The following IQCM variants were observed in gnomAD, a reference collection of about 807,000 sequenced individuals.
IQCM encodes IQ motif containing M.
A neutral mutation model predicts 57.6 loss-of-function variants in IQCM; 45 were observed. The observed-to-expected ratio is 0.78, with a 90% confidence interval of 0.62 to 1.00. The LOEUF (loss-of-function observed/expected upper bound fraction) is 1.00, where lower values mean the gene tolerates loss of function less well. Among genes scored for constraint, IQCM ranks in the 50% least tolerant of loss-of-function variants. IQCM has a pLI of 0.00. For synonymous variants in IQCM, 148 were observed against 158.9 expected, an observed-to-expected ratio of 0.93 and a Z score of 0.51; for missense variants, 468 against 511.6, an observed-to-expected ratio of 0.91 and a Z score of 0.82.
chr4:149,473,186 G>A (rs980588931), intron 12 of IQCM, among the ~76,000 whole-genome samples: 8 of 151,978 alleles, frequency 5.3e-5, no homozygotes, highest in East Asian at 1.9e-4. Flanking sequence ...GTGAACAGGC[G>A]ACCTACAGAA....
chr4:149,522,873 G>A (rs959495565), intron 12 of IQCM, among the ~76,000 whole-genome samples: 2 of 152,084 alleles, frequency 1.3e-5, no homozygotes, highest in African/African-American at 2.4e-5. Flanking sequence ...GGTATATCCT[G>A]GTAAAATTCC....
At chr4:149,650,055 G>C (rs1468232814) in intron 7 of IQCM, among the ~76,000 whole-genome samples, 1 of 152,138 alleles carries the variant, frequency 6.6e-6, no homozygotes, top group Non-Finnish European at 1.5e-5. Flanking sequence ...TAGGCCCCAT[G>C]TTATGGGGCC....
chr4:149,593,687 T>C (rs1172255667), intron 8 of IQCM, among the ~76,000 whole-genome samples: 2 of 152,010 alleles, frequency 1.3e-5, no homozygotes, highest in African/African-American at 4.8e-5. Flanking sequence ...ATTTTGTCGA[T>C]GGCCTTTTCT....
At chr4:149,545,078 T>A (rs1355683934) in intron 12 of IQCM, among the ~76,000 whole-genome samples, 2 of 152,128 alleles carry the variant, frequency 1.3e-5, no homozygotes, top group Non-Finnish European at 2.9e-5. Flanking sequence ...GGCATGTGCC[T>A]GTAGTCCCAG....
At chr4:149,745,031 T>C (rs1227145970) in intron 2 of IQCM, among the ~76,000 whole-genome samples, 1 of 152,060 alleles carries the variant, frequency 6.6e-6, no homozygotes, top group Non-Finnish European at 1.5e-5. Context: ...ACTGAGCTAC[T>C]TACACCTGGA....
intron 12 of IQCM, among the ~76,000 whole-genome samples, chr4:149,510,163 AT>A (rs1422182795): frequency 6.6e-6 from 1 of 152,092 alleles, no homozygotes; most frequent in Non-Finnish European, 1.5e-5. Context: ...ACTCTTTTAA[AT>A]TTTTAACAAT....
intron 3 of IQCM, among the ~76,000 whole-genome samples, chr4:149,738,386 C>A (rs2149900050): frequency 6.6e-6 from 1 of 152,274 alleles, no homozygotes; most frequent in South Asian, 2.1e-4. Context: ...CCCTTTGTAA[C>A]TAGAATTAGC....
At chr4:149,424,153 CAG>C (rs1412453572) in intron 13 of IQCM, among the ~76,000 whole-genome samples, 1 of 151,750 alleles carries the variant, frequency 6.6e-6, no homozygotes, top group Non-Finnish European at 1.5e-5. Flanking sequence ...ACAGAACTAT[CAG>C]AGATTTCTCA....
intron 8 of IQCM, among the ~76,000 whole-genome samples, chr4:149,601,818 A>G (rs973070073): frequency 5.3e-5 from 8 of 151,928 alleles, no homozygotes; most frequent in African/African-American, 1.7e-4. Flanking sequence ...CAGCACTTTG[A>G]GAGGCCAAGG....
At chr4:149,357,452 G>T (rs1729089010) in intron 13 of IQCM, among the ~76,000 whole-genome samples, 2 of 152,124 alleles carry the variant, frequency 1.3e-5, no homozygotes, top group Non-Finnish European at 2.9e-5. Flanking sequence ...TTTTTAGCAT[G>T]AAGAGTTGTT....
rs150526861 is a variant in IQCM at position 149,727,727 on chromosome 4, G to A, written c.385+5517C>T. Among the ~76,000 whole-genome samples the A allele has an allele frequency of 5.9e-5, 9 of 152,214 alleles. No homozygotes were observed. The East Asian group carries it at 1.2e-3, about 20-fold the overall frequency. ...GTCAGCTGAAGCTGGTCCTATGAAT[G>A]TCTCAAGCCAGGAAGGAGTCCAGGA... On this transcript the variant is annotated intron_variant, in intron 5 of 13. Coordinates refer to ENST00000636793, the MANE Select transcript of IQCM (RefSeq NM_001363507.2).
At chr4:149,656,894 A>G (rs1759684640) in intron 7 of IQCM, among the ~76,000 whole-genome samples, 1 of 152,202 alleles carries the variant, frequency 6.6e-6, no homozygotes, top group African/African-American at 2.4e-5. Flanking sequence ...GGAGAAGCAA[A>G]GAGAACAAAA....
In IQCM at chr4:149,410,958, C is replaced by T. The variant is rs1733342554; in HGVS notation, c.1390+22438G>A. Among the ~76,000 whole-genome samples, 6 of 152,202 alleles carry T rather than the reference C, an allele frequency of 3.9e-5. No individual in the cohort carries two copies. In the South Asian group the frequency reaches 1.2e-3, roughly 32 times the overall value. On this transcript the variant is annotated intron_variant, in intron 13 of 13. Transcript: ENST00000636793. Reference sequence around the variant, plus strand: ...AAATGAGCAAAACTCTTTTCTGTTGCTGTTTTAAATTCTAGAAAAGAAAAA... The same window carrying T: ...AAATGAGCAAAACTCTTTTCTGTTGTTGTTTTAAATTCTAGAAAAGAAAAA...
intron 8 of IQCM, among the ~76,000 whole-genome samples, chr4:149,607,525 A>G (rs957780589): frequency 6.6e-6 from 1 of 152,110 alleles, no homozygotes; most frequent in Non-Finnish European, 1.5e-5. Flanking sequence ...TAAACCATTC[A>G]TATTTTTAGT....
At chr4:149,570,131 C>T (rs1503701) in intron 9 of IQCM, among the ~76,000 whole-genome samples, 115,045 of 151,862 alleles carry the variant, frequency 0.76, 44,051 homozygotes, top group South Asian at 0.9. Flanking sequence ...TTTCATTTAT[C>T]TTATCTTTAA....
intron 5 of IQCM, among the ~76,000 whole-genome samples, chr4:149,726,088 A>T (rs889922532): frequency 3.6e-5 from 5 of 139,490 alleles, no homozygotes; most frequent in African/African-American, 1.1e-4. Flanking sequence ...AGAAAGAAAG[A>T]AAGAAAGAAA....
At chr4:149,797,592 A>G (rs1475700960) in intron 2 of IQCM, among the ~76,000 whole-genome samples, 2 of 152,224 alleles carry the variant, frequency 1.3e-5, no homozygotes, top group Non-Finnish European at 2.9e-5. Context: ...TAGAAAACCA[A>G]GCAAATTTAA....
At chr4:149,514,949 T>A (rs966562464) in intron 12 of IQCM, among the ~76,000 whole-genome samples, 2 of 152,170 alleles carry the variant, frequency 1.3e-5, no homozygotes, top group African/African-American at 4.8e-5. Context: ...AACATCAGAC[T>A]CCAAGTTCTT....
chr4:149,753,200 G>T (rs912444575), intron 2 of IQCM, among the ~76,000 whole-genome samples: 1 of 151,886 alleles, frequency 6.6e-6, no homozygotes, highest in Non-Finnish European at 1.5e-5. Context: ...CAGCCAATAA[G>T]ATCAATAAGA....
Sources: gnomAD v4.1 joint callset for allele counts (sites outside exome capture counted in the v4.1 genomes callset) on GRCh38, gnomAD v4.1.1 for gene constraint, MANE v1.5 for transcripts, NCBI Gene and HGNC (gene_info 2026-07-23, HGNC 2026-07-21) for gene names.